EXT1: variants seen among roughly 807,000 people sequenced by gnomAD.
EXT1 encodes the protein exostosin glycosyltransferase 1.
A neutral mutation model predicts 82.5 loss-of-function variants in EXT1; 20 were observed. That is an observed-to-expected ratio of 0.24 (90% CI 0.17 to 0.35). The LOEUF (loss-of-function observed/expected upper bound fraction) is 0.35. Among genes scored for constraint, EXT1 ranks in the 10% least tolerant of loss-of-function variants. The probability of loss-of-function intolerance (pLI) is 1.00; values close to 1 mark genes in which losing one functional copy is unlikely to be tolerated. For synonymous variants in EXT1, 348 were observed against 350.8 expected (o/e 0.99, Z 0.09); for missense variants, 757 against 936.5 (o/e 0.81, Z 2.50).
chr8:117,994,753 A>G (rs1327617508), intron 1 of EXT1, among the ~76,000 whole-genome samples: 1 of 152,196 alleles, frequency 6.6e-6, no homozygotes, highest in African/African-American at 2.4e-5. Flanking sequence ...TTTGCTAGAG[A>G]AAATGCTCCT....
intron 1 of EXT1, among the ~76,000 whole-genome samples, chr8:117,963,306 C>T (rs1814739584): frequency 6.6e-6 from 1 of 152,298 alleles, no homozygotes; most frequent in East Asian, 1.9e-4. Flanking sequence ...CTAGCTGCCA[C>T]TGGACCATTT....
chr8:118,051,081 A>G, intron 1 of EXT1, among the ~76,000 whole-genome samples: 1 of 152,178 alleles, frequency 6.6e-6, no homozygotes, highest in Non-Finnish European at 1.5e-5. Flanking sequence ...CACGTCTATA[A>G]TCCCAGCACT....
chr8:117,983,607 TCAA>T (rs947692769), intron 1 of EXT1, among the ~76,000 whole-genome samples: 38 of 152,240 alleles, frequency 2.5e-4, no homozygotes, highest in African/African-American at 7.9e-4. Flanking sequence ...TCCCTGGCCT[TCAA>T]CAACAACAAC....
rs1160068484 is a variant in EXT1, at chr8:117,798,437, CA to C, written c.*1274del. ...TTTTCAGTTTATACTTGGAGTTTAA[CA>C]ATAATCATAAGCCCAAGATAGCATT... is the stretch of plus-strand genomic sequence containing the variant. On this transcript the variant is annotated 3_prime_UTR_variant, in exon 11 of 11. Transcript: ENST00000378204. 6.6e-6 allele frequency: 1 copy of C among 151,656 alleles called. No homozygotes were observed. The highest frequency in any genetic ancestry group is 6.6e-5 in the Admixed American group (1 of 15,216). 9.4% of individuals were successfully genotyped at this position (151,656 alleles called of 1,614,324 possible).
At chr8:118,066,431 G>A (rs1465931867) in intron 1 of EXT1, among the ~76,000 whole-genome samples, 3 of 151,200 alleles carry the variant, frequency 2.0e-5, no homozygotes, top group Non-Finnish European at 2.9e-5. Context: ...CATGATCTCG[G>A]CTCAAGTAGC....
intron 1 of EXT1, among the ~76,000 whole-genome samples, chr8:118,072,329 TCTGATTTAGGAAA>T (rs1156481037): frequency 7.9e-5 from 12 of 152,332 alleles, no homozygotes; most frequent in African/African-American, 2.9e-4. Flanking sequence ...ATGAAACCAT[TCTGATTTAGGAAA>T]CTGATTTAGG....
intron 1 of EXT1, among the ~76,000 whole-genome samples, chr8:118,054,051 C>G (rs765669010): frequency 2.4e-4 from 37 of 152,170 alleles, no homozygotes; most frequent in Non-Finnish European, 4.9e-4. Flanking sequence ...GCCAGGGATG[C>G]TGTTAAACAT....
At chr8:117,932,280 A>G (rs1814074393) in intron 1 of EXT1, among the ~76,000 whole-genome samples, 1 of 152,204 alleles carries the variant, frequency 6.6e-6, no homozygotes, top group South Asian at 2.1e-4. Flanking sequence ...AAGGATAATC[A>G]GAATTCAACT....
At chr8:117,909,995 T>C (rs997775363) in intron 1 of EXT1, among the ~76,000 whole-genome samples, 2 of 152,192 alleles carry the variant, frequency 1.3e-5, no homozygotes, top group African/African-American at 4.8e-5. Flanking sequence ...CTTGAACTCC[T>C]GACTTCAAGT....
At chr8:117,840,429 A>G (rs1447867824) in intron 1 of EXT1, among the ~76,000 whole-genome samples, 2 of 152,136 alleles carry the variant, frequency 1.3e-5, no homozygotes, top group Non-Finnish European at 2.9e-5. Flanking sequence ...TCTGGCCAAC[A>G]TGGTGTAACC....
In EXT1 at chr8:117,826,719, A is replaced by G. The variant is rs1207794498; in HGVS notation, c.1284+3511T>C. On this transcript the variant is annotated intron_variant, in intron 4 of 10. Coordinates refer to ENST00000378204, the MANE Select transcript of EXT1 (RefSeq NM_000127.3). ...TCAAACTGTTACAATCCAATCTTGG[A>G]ACTATATAAAGAGATTTGACAGTTG... Among the ~76,000 whole-genome samples, 11 of 152,266 alleles carry G rather than the reference A, an allele frequency of 7.2e-5. No homozygotes were observed. The South Asian group carries it at 2.1e-3, about 29-fold the overall frequency.
At chr8:117,901,872 A>AT (rs1813455601) in intron 1 of EXT1, among the ~76,000 whole-genome samples, 1 of 151,960 alleles carries the variant, frequency 6.6e-6, no homozygotes, top group South Asian at 2.1e-4. Context: ...AATTTTTTGC[A>AT]TTTTTGATAC....
intron 1 of EXT1, among the ~76,000 whole-genome samples, chr8:117,854,814 A>G (rs1055370891): frequency 6.6e-6 from 1 of 152,238 alleles, no homozygotes; most frequent in Non-Finnish European, 1.5e-5. Context: ...TTATATAGCC[A>G]GAGAAGCATA....
intron 1 of EXT1, among the ~76,000 whole-genome samples, chr8:118,037,215 A>ACAGCTG (rs1207260370): frequency 6.6e-6 from 1 of 152,198 alleles, no homozygotes; most frequent in Non-Finnish European, 1.5e-5. Flanking sequence ...GGGAAACAAA[A>ACAGCTG]CAGCTGCCAC....
chr8:117,864,121 TC>T (rs1284495721), intron 1 of EXT1, among the ~76,000 whole-genome samples: 1 of 152,052 alleles, frequency 6.6e-6, no homozygotes, highest in Non-Finnish European at 1.5e-5. Flanking sequence ...GAGAAATAGG[TC>T]CCAGCAAAAA....
intron 1 of EXT1, among the ~76,000 whole-genome samples, chr8:117,905,605 G>A (rs1813528504): frequency 6.6e-6 from 1 of 152,180 alleles, no homozygotes; most frequent in Non-Finnish European, 1.5e-5. Flanking sequence ...GAGGTCAGGA[G>A]ATCGAGATCA....
At position 117,809,152 on chromosome 8, in the gene EXT1, A is replaced by AGTGT. The variant is rs577536814; in HGVS notation, c.1723-1779_1723-1776dup. On this transcript the variant is annotated intron_variant, in intron 8 of 10. Transcript: ENST00000378204. ...ATTACTCATAATAAATCTCTCTCTC[A>AGTGT]GTGTATGTATGTATGTATGTATGTA... Among the ~76,000 whole-genome samples, 247 of 142,214 alleles carry AGTGT rather than the reference A, an allele frequency of 1.7e-3. 1 individual carries two copies. The highest frequency in any genetic ancestry group is 6.0e-3 in the African/African-American group (233 of 38,624). The allele number at this position is 142,214 out of a possible 152,430, so 93.3% of individuals were successfully genotyped here.
Position 117,797,192 on chromosome 8 carries a change from G to A in EXT1, c.*2520C>T, listed in dbSNP as rs1023648788. ...AATTAAAATTACATATTACTGTCGA[G>A]CTTCACTGATTTGTTAAGCATTGTT... On this transcript the variant is annotated 3_prime_UTR_variant, in exon 11 of 11. Transcript: ENST00000378204. 1.3e-5 allele frequency: 2 copies of A among 152,202 alleles called. No individual in the cohort carries two copies. The highest frequency in any genetic ancestry group is 4.8e-5 in the African/African-American group (2 of 41,450). The allele number at this position is 152,202 out of a possible 1,614,324, so 9.4% of individuals were successfully genotyped here.
chr8:118,028,188 G>A (rs1025320222), intron 1 of EXT1, among the ~76,000 whole-genome samples: 1 of 152,230 alleles, frequency 6.6e-6, no homozygotes, highest in African/African-American at 2.4e-5. Context: ...AAGTGCCCAT[G>A]CCTGGACGTC....
Sources: gnomAD v4.1 joint callset for allele counts (sites outside exome capture counted in the v4.1 genomes callset) on GRCh38, gnomAD v4.1.1 for gene constraint, MANE v1.5 for transcripts, NCBI Gene and HGNC (gene_info 2026-07-23, HGNC 2026-07-21) for gene names.